CLCN5: variants seen among roughly 807,000 people sequenced by gnomAD.
CLCN5 encodes the protein Cl-/H+ antiporter 5.
CLCN5 carries 17 observed loss-of-function variants against 54.0 expected under a neutral mutation model. The observed-to-expected ratio is 0.31, with a 90% CI of 0.22 to 0.47. The LOEUF (loss-of-function observed/expected upper bound fraction) is 0.47, where lower values mean the gene tolerates loss of function less well. Ranked by LOEUF, CLCN5 falls within the 20% of genes least tolerant of loss-of-function variation. The pLI is 1.00. For synonymous variants in CLCN5, 222 were observed against 233.0 expected (o/e 0.95, Z 0.43); for missense variants, 448 against 646.7 (o/e 0.69, Z 3.33).
chrX:50,031,053 C>T (rs1557185799), intron 3 of CLCN5, among the ~76,000 whole-genome samples: 5 of 111,729 alleles, frequency 4.5e-5, no homozygotes, highest in Non-Finnish European at 9.4e-5. Context: ...TCTTGAAAGC[C>T]TGTATAACAG....
intron 3 of CLCN5, among the ~76,000 whole-genome samples, chrX:49,969,635 T>C (rs1314485406): frequency 1.8e-5 from 2 of 112,002 alleles, no homozygotes; most frequent in African/African-American, 6.5e-5. Flanking sequence ...ACAGACTATG[T>C]ATAGTTTGGG....
intron 4 of CLCN5, among the ~76,000 whole-genome samples, chrX:50,043,038 C>A (rs2147478946): frequency 8.9e-6 from 1 of 111,867 alleles, no homozygotes; most frequent in African/African-American, 3.2e-5. Context: ...GTTATCTCAT[C>A]ATTGTCTCAA....
rs782069565 is a variant in CLCN5, at chrX:50,076,066, G to A, written c.603+84G>A. 181 of 908,663 alleles carry A rather than the reference G, an allele frequency of 2.0e-4. 1 individual carries two copies. In the East Asian group the frequency reaches 3.0e-3, roughly 15 times the overall value. The allele number at this position is 908,663 out of a possible 1,213,427, so 74.9% of individuals were successfully genotyped here. A position where few individuals can be genotyped will look rare whatever the true frequency, so the allele number is the denominator to read the frequency against. On this transcript the variant is annotated intron_variant, in intron 7 of 14. Transcript: ENST00000376091. ...CTTATACTGTGCTCACAGCAATTGC[G>A]GAATCTTCCTTTATTTTCCTTTCCA...
chrX:49,938,673 AAACC>A (rs1481993625), intron 3 of CLCN5, among the ~76,000 whole-genome samples: 1 of 112,275 alleles, frequency 8.9e-6, no homozygotes, highest in Non-Finnish European at 1.9e-5. Flanking sequence ...TTAGACCTAA[AAACC>A]ATAAAAACCC....
chrX:49,942,674 G>A (rs1274896780), intron 3 of CLCN5, among the ~76,000 whole-genome samples: 1 of 107,715 alleles, frequency 9.3e-6, no homozygotes, highest in Non-Finnish European at 1.9e-5. Context: ...TTGTCCTTGC[G>A]ATAGTTTGCT....
intron 3 of CLCN5, among the ~76,000 whole-genome samples, chrX:50,002,679 C>G (rs199860839): frequency 1.0e-3 from 101 of 100,498 alleles, no homozygotes; most frequent in African/African-American, 3.0e-3. Flanking sequence ...CTCTCTCTCT[C>G]TCTGTGTGTG....
intron 3 of CLCN5, among the ~76,000 whole-genome samples, chrX:49,993,230 G>A (rs1283167245): frequency 8.9e-6 from 1 of 111,782 alleles, no homozygotes; most frequent in Non-Finnish European, 1.9e-5. Context: ...GAGAGGAAGG[G>A]TTTCCGGTTG....
chrX:50,055,794 CAG>C (rs1469916432), intron 4 of CLCN5, among the ~76,000 whole-genome samples: 4 of 111,444 alleles, frequency 3.6e-5, no homozygotes, highest in Non-Finnish European at 7.5e-5. Flanking sequence ...GTCACATATA[CAG>C]ACACACATTT....
At position 50,095,599 on chromosome X, in the gene CLCN5, G is replaced by A. The variant is rs1366306782; in HGVS notation, c.*3380G>A. Reference sequence around the variant, plus strand: ...CAGTTGAATTGTTTTGACACCAGAGGCTGAATCTAAACCCTTTACAGGAAG... The same window carrying A: ...CAGTTGAATTGTTTTGACACCAGAGACTGAATCTAAACCCTTTACAGGAAG... On this transcript the variant is annotated 3_prime_UTR_variant, in exon 15 of 15. Coordinates refer to ENST00000376091, the MANE Select transcript of CLCN5 (RefSeq NM_001127898.4). 4 of 112,633 alleles carry A rather than the reference G, an allele frequency of 3.6e-5. No homozygotes were observed. In the East Asian group the frequency reaches 1.1e-3, roughly 31 times the overall value. 9.3% of individuals were successfully genotyped at this position (112,633 alleles called of 1,213,427 possible).
chrX:49,985,088 A>C (rs1928936563), intron 3 of CLCN5, among the ~76,000 whole-genome samples: 1 of 111,258 alleles, frequency 9.0e-6, no homozygotes, highest in African/African-American at 3.3e-5. Context: ...TATAACTAAA[A>C]TATATCTTTA....
intron 2 of CLCN5, 135 bp downstream of exon 2, chrX:49,923,617 G>A (rs1925183492): frequency 1.8e-5 from 2 of 112,340 alleles, no homozygotes; most frequent in African/African-American, 6.5e-5. Flanking sequence ...CCCACGGGAC[G>A]ATGATCATTA....
intron 3 of CLCN5, among the ~76,000 whole-genome samples, chrX:50,033,343 C>T (rs1557186134): frequency 1.6e-4 from 18 of 111,272 alleles, no homozygotes; most frequent in Non-Finnish European, 3.8e-5. Context: ...AATCAATGTA[C>T]AAAAATCACA....
At chrX:50,089,239 A>G (rs1463348442) in intron 12 of CLCN5, among the ~76,000 whole-genome samples, 1 of 111,886 alleles carries the variant, frequency 8.9e-6, no homozygotes, top group African/African-American at 3.2e-5. Context: ...GTACATCCAT[A>G]TGATGTTATA....
chrX:49,935,982 G>C (rs1601953176), intron 3 of CLCN5, among the ~76,000 whole-genome samples: 1 of 111,216 alleles, frequency 9.0e-6, no homozygotes, highest in South Asian at 3.8e-4. Flanking sequence ...CAAATACCTG[G>C]CAGAGAGTGC....
chrX:49,935,410 G>A (rs1490965104), intron 3 of CLCN5, among the ~76,000 whole-genome samples: 1 of 112,293 alleles, frequency 8.9e-6, no homozygotes, highest in African/African-American at 3.2e-5. Context: ...TCTGCTGTGT[G>A]CCAGGCAGGC....
chrX:49,965,874 T>C (rs1557175375), intron 3 of CLCN5, among the ~76,000 whole-genome samples: 3 of 112,157 alleles, frequency 2.7e-5, no homozygotes, highest in Non-Finnish European at 5.6e-5. Flanking sequence ...GTGGTGATCA[T>C]ATGGTTTAAT....
chrX:50,075,201 G>A lies in CLCN5; in HGVS notation c.416-594G>A, dbSNP rs781995085. 5.4e-5 allele frequency among the ~76,000 whole-genome samples: 6 copies of A among 110,958 alleles called. No homozygotes were observed. In the East Asian group the frequency reaches 1.7e-3, roughly 31 times the overall value. On this transcript the variant is annotated intron_variant, in intron 6 of 14. Coordinates refer to ENST00000376091, the MANE Select transcript of CLCN5 (RefSeq NM_001127898.4). ...TGCTTTGATAGATTCAGCTCCTTTA[G>A]CCTAGAATGCCTTCCTGCCATTGCT...
At chrX:49,948,895 T>A (rs956891058) in intron 3 of CLCN5, among the ~76,000 whole-genome samples, 4 of 112,549 alleles carry the variant, frequency 3.6e-5, no homozygotes, top group Admixed American at 9.4e-5. Flanking sequence ...GAAAACATTG[T>A]TTTGGCTCTG....
chrX:50,018,385 C>T (rs1220181749), intron 3 of CLCN5, among the ~76,000 whole-genome samples: 1 of 111,979 alleles, frequency 8.9e-6, no homozygotes, highest in South Asian at 3.7e-4. Flanking sequence ...TTTTCTACAT[C>T]GACAATCATG....
Sources: gnomAD v4.1 joint callset for allele counts (sites outside exome capture counted in the v4.1 genomes callset) on GRCh38, gnomAD v4.1.1 for gene constraint, MANE v1.5 for transcripts, NCBI Gene and HGNC (gene_info 2026-07-23, HGNC 2026-07-21) for gene names.